LRP6: variants seen among roughly 807,000 people sequenced by gnomAD.
The protein encoded by LRP6 is LDL receptor related protein 6, also known as low-density lipoprotein receptor-related protein 6.
A neutral mutation model predicts 184.1 loss-of-function variants in LRP6; 43 were observed. The ratio of observed to expected loss-of-function variants is 0.23; its 90% CI spans 0.18 to 0.30. The LOEUF is 0.30. Ranked by LOEUF, LRP6 falls within the 10% of genes least tolerant of loss-of-function variation. The probability of loss-of-function intolerance (pLI) is 1.00; values close to 1 mark genes in which losing one functional copy is unlikely to be tolerated. For synonymous variants in LRP6, 719 were observed against 684.9 expected (o/e 1.05, Z -0.78); for missense variants, 1,571 against 2,005.3 (o/e 0.78, Z 4.14).
chr12:12,133,860 G>GA (rs1440012641), intron 17 of LRP6, among the ~76,000 whole-genome samples: 2 of 71,988 alleles, frequency 2.8e-5, no homozygotes, highest in East Asian at 5.1e-4. Flanking sequence ...GGGGGGGGGG[G>GA]GGAGGGTAAA....
intron 15 of LRP6, among the ~76,000 whole-genome samples, chr12:12,146,427 T>C (rs542245611): frequency 1.2e-4 from 18 of 152,178 alleles, no homozygotes; most frequent in Non-Finnish European, 2.1e-4. Flanking sequence ...TTTAATTTCA[T>C]TTACCTGATC....
chr12:12,252,234 A>AT lies in LRP6; in HGVS notation c.56-7580dup, dbSNP rs1865341675. On this transcript the variant is annotated intron_variant, in intron 1 of 22. Coordinates refer to ENST00000261349, the MANE Select transcript of LRP6 (RefSeq NM_002336.3). The stretch of plus-strand genomic sequence containing the variant: ...CTTTTGGTTAAATATGTAGCCAAGT[A>AT]TTTTTTTCCACAGTGGCCCATGATC... Among the ~76,000 whole-genome samples, 4 of 151,542 alleles carry AT rather than the reference A, an allele frequency of 2.6e-5. No individual in the cohort carries two copies. In the South Asian group the frequency reaches 8.3e-4, roughly 32 times the overall value.
intron 2 of LRP6, among the ~76,000 whole-genome samples, chr12:12,212,098 T>C (rs1207268980): frequency 5.3e-5 from 8 of 152,206 alleles, no homozygotes; most frequent in African/African-American, 1.9e-4. Context: ...TCAAATACAG[T>C]ATTAGGACTG....
At chr12:12,188,035 C>A (rs1351933685) in intron 3 of LRP6, among the ~76,000 whole-genome samples, 2 of 151,804 alleles carry the variant, frequency 1.3e-5, no homozygotes, top group African/African-American at 2.4e-5. Context: ...GATGGTAAAA[C>A]CCCATCTCTA....
intron 22 of LRP6, among the ~76,000 whole-genome samples, chr12:12,123,793 C>G (rs1949635508): frequency 6.6e-6 from 1 of 152,126 alleles, no homozygotes; most frequent in Admixed American, 6.5e-5. Flanking sequence ...TTTCTTTATT[C>G]CATGCAACTA....
chr12:12,224,789 T>A (rs1366918726), intron 2 of LRP6, among the ~76,000 whole-genome samples: 1 of 152,138 alleles, frequency 6.6e-6, no homozygotes, highest in Non-Finnish European at 1.5e-5. Flanking sequence ...TACATTGTCT[T>A]TCATAATAAA....
At chr12:12,138,821 T>C (rs1345179688) in intron 15 of LRP6, 2 of 1,419,192 alleles carry the variant, frequency 1.4e-6, no homozygotes, top group African/African-American at 2.9e-5. Context: ...AAACCCTAAC[T>C]TATATATACA....
intron 15 of LRP6, chr12:12,138,892 A>G (rs529454127): frequency 7.3e-7 from 1 of 1,372,190 alleles, no homozygotes; most frequent in Non-Finnish European, 9.8e-7. Context: ...TTCTGAGTAT[A>G]CCTGAGGCAT....
At chr12:12,206,230 T>C (rs546532743) in intron 2 of LRP6, among the ~76,000 whole-genome samples, 13 of 152,274 alleles carry the variant, frequency 8.5e-5, no homozygotes, top group African/African-American at 3.1e-4. Flanking sequence ...TATAGGAAGG[T>C]AGACCAGACC....
intron 6 of LRP6, among the ~76,000 whole-genome samples, chr12:12,180,662 A>C (rs901093899): frequency 6.6e-6 from 1 of 152,304 alleles, no homozygotes; most frequent in East Asian, 1.9e-4. Context: ...TTTAGGGAAA[A>C]AAAAGTAAGC....
chr12:12,141,141 G>A (rs35589377), intron 15 of LRP6, among the ~76,000 whole-genome samples: 3 of 151,616 alleles, frequency 2.0e-5, no homozygotes, highest in Non-Finnish European at 4.4e-5. Context: ...AGGGAAAGAA[G>A]GGGAAGGAGA....
At chr12:12,263,372 G>A (rs1378296861) in intron 1 of LRP6, among the ~76,000 whole-genome samples, 1 of 151,656 alleles carries the variant, frequency 6.6e-6, no homozygotes, top group Non-Finnish European at 1.5e-5. Context: ...TCAGGAGATG[G>A]AGACCATCCT....
At chr12:12,123,353 C>T (rs534166653) in intron 22 of LRP6, among the ~76,000 whole-genome samples, 3 of 152,176 alleles carry the variant, frequency 2.0e-5, no homozygotes, top group Non-Finnish European at 4.4e-5. Flanking sequence ...AGCAACATTA[C>T]AACATATCAT....
At chr12:12,257,911 G>A (rs899949205) in intron 1 of LRP6, among the ~76,000 whole-genome samples, 1 of 148,464 alleles carries the variant, frequency 6.7e-6, no homozygotes, top group Non-Finnish European at 1.5e-5. Flanking sequence ...AGGCTGCAGT[G>A]AGCCATGATA....
At chr12:12,234,289 A>G (rs1220995062) in intron 2 of LRP6, among the ~76,000 whole-genome samples, 1 of 148,862 alleles carries the variant, frequency 6.7e-6, no homozygotes, top group Non-Finnish European at 1.5e-5. Flanking sequence ...CTCCATCTCA[A>G]AAAAAAAAAA....
chr12:12,118,205 C>T lies in LRP6; in HGVS notation c.*2921G>A, dbSNP rs947352418. 2 of 152,118 alleles carry T rather than the reference C, an allele frequency of 1.3e-5. No individual in the cohort carries two copies. Among genetic ancestry groups the T allele is most frequent in the Admixed American group, 1.3e-4 (2 of 15,270 alleles). The allele number at this position is 152,118 out of a possible 1,614,324, so 9.4% of individuals were successfully genotyped here. The stretch of plus-strand genomic sequence containing the variant: ...TTAATAGTCAGAAAATTCTATCCAC[C>T]AACTCTCTTTGTTTCCCTGTGAATG... On this transcript the variant is annotated 3_prime_UTR_variant, in exon 23 of 23. Coordinates refer to ENST00000261349, the MANE Select transcript of LRP6 (RefSeq NM_002336.3).
chr12:12,166,709 A>T (rs1862886842), intron 7 of LRP6, among the ~76,000 whole-genome samples: 1 of 152,254 alleles, frequency 6.6e-6, no homozygotes, highest in Non-Finnish European at 1.5e-5. Context: ...TGAGATCAAC[A>T]AAATCTTTTC....
At chr12:12,249,276 T>C in intron 1 of LRP6, 2 of 1,039,576 alleles carry the variant, frequency 1.9e-6, no homozygotes, top group Admixed American at 1.8e-5. Flanking sequence ...TTAATAGTTC[T>C]AATGGATTGG....
At chr12:12,233,311 C>CA (rs780816310) in intron 2 of LRP6, among the ~76,000 whole-genome samples, 3 of 151,910 alleles carry the variant, frequency 2.0e-5, no homozygotes, top group Non-Finnish European at 4.4e-5. Flanking sequence ...ACTAAAAATA[C>CA]AAAAAAATTA....
Sources: gnomAD v4.1 joint callset for allele counts (sites outside exome capture counted in the v4.1 genomes callset) on GRCh38, gnomAD v4.1.1 for gene constraint, MANE v1.5 for transcripts, NCBI Gene and HGNC (gene_info 2026-07-23, HGNC 2026-07-21) for gene names.